CRISPLD2: variants seen among roughly 807,000 people sequenced by gnomAD.
CRISPLD2 encodes cysteine rich secretory protein LCCL domain containing 2.
CRISPLD2 carries 47 observed loss-of-function variants against 71.1 expected under a neutral mutation model. The observed-to-expected ratio is 0.66, with a 90% CI of 0.52 to 0.84. The LOEUF is 0.84. Ranked by LOEUF, CRISPLD2 falls within the 40% of genes least tolerant of loss-of-function variation. CRISPLD2 has a pLI of 0.00. For missense variants in CRISPLD2, 830 were observed against 651.1 expected (o/e 1.27, Z -2.99); for synonymous variants, 317 against 250.1 (o/e 1.27, Z -2.52).
chr16:84,880,274 A>G (rs1355354762), intron 12 of CRISPLD2, among the ~76,000 whole-genome samples: 1 of 151,376 alleles, frequency 6.6e-6, no homozygotes, highest in Non-Finnish European at 1.5e-5. Flanking sequence ...TCTTTTGTGG[A>G]TGTGTGTGTG....
chr16:84,835,903 C>T (rs1269527690), intron 1 of CRISPLD2, among the ~76,000 whole-genome samples: 2 of 152,232 alleles, frequency 1.3e-5, no homozygotes, highest in Admixed American at 1.3e-4. Flanking sequence ...CCTGTTTTCT[C>T]ACTTTGGCAT....
intron 1 of CRISPLD2, 139 bp from the exon 2 acceptor site, chr16:84,838,283 C>G: frequency 1.7e-6 from 1 of 602,294 alleles, no homozygotes; most frequent in African/African-American, 1.8e-5. Context: ...TGGGACCTTG[C>G]TTGTTTAGCT....
In CRISPLD2 at chr16:84,866,910, T is replaced by A; in HGVS notation, c.723T>A (p.Thr241=). 6.2e-7 allele frequency: 1 copy of A among 1,613,886 alleles called. No individual in the cohort carries two copies. Among genetic ancestry groups the A allele is most frequent in the Non-Finnish European group, 8.5e-7 (1 of 1,179,946 alleles). ...TCCAATGTTAAGAAGAAACCTACAC[T>A]CCAAAACCTGAAACGGACGAGATGA... ...NNLCYREETY[T]PKPETDEMNE... Residue 241 remains threonine, a synonymous_variant, in exon 7 of 15, where the codon ACT becomes ACA. Transcript: ENST00000262424.
chr16:84,875,548 A>ATTATATT (rs2071511038), intron 11 of CRISPLD2, among the ~76,000 whole-genome samples: 1 of 131,708 alleles, frequency 7.6e-6, no homozygotes, highest in Non-Finnish European at 1.6e-5. Flanking sequence ...TGCTTTTTTT[A>ATTATATT]TTTTATTTTT....
chr16:84,866,843 C>T (rs963820706), intron 6 of CRISPLD2, 54 bp from the exon 7 acceptor site: 32 of 1,550,654 alleles, frequency 2.1e-5, no homozygotes, highest in South Asian at 5.7e-5. Flanking sequence ...CCCCAAAGTG[C>T]GTTTTTGTTG....
intron 2 of CRISPLD2, among the ~76,000 whole-genome samples, chr16:84,840,177 A>T (rs1024442529): frequency 6.6e-6 from 1 of 152,182 alleles, no homozygotes; most frequent in Admixed American, 6.5e-5. Flanking sequence ...AGCTGTGGTC[A>T]CGTTCCTTTG....
rs192370147 is a variant in CRISPLD2 at position 84,885,004 on chromosome 16, G to A, written c.1306-4226G>A. 5.3e-4 allele frequency among the ~76,000 whole-genome samples: 81 copies of A among 152,356 alleles called. No individual in the cohort carries two copies. The East Asian group carries it at 0.014, about 27-fold the overall frequency. On this transcript the variant is annotated intron_variant, in intron 13 of 14. Transcript: ENST00000262424. ...CTGGTACTGCAGCAGTTGGCAGTGCGAGCAATGCTGAGAGAGACAGAAAGC... is the reference window on the plus strand; with the variant it reads ...CTGGTACTGCAGCAGTTGGCAGTGCAAGCAATGCTGAGAGAGACAGAAAGC...
intron 6 of CRISPLD2, among the ~76,000 whole-genome samples, chr16:84,855,158 T>C (rs556513656): frequency 4.6e-5 from 7 of 152,066 alleles, no homozygotes; most frequent in Non-Finnish European, 8.8e-5. Flanking sequence ...TCATATAAAA[T>C]AGGCCACGGG....
chr16:84,890,024 G>T (rs2071647629), intron 14 of CRISPLD2, among the ~76,000 whole-genome samples: 1 of 152,272 alleles, frequency 6.6e-6, no homozygotes, highest in African/African-American at 2.4e-5. Context: ...CCACAGGGCT[G>T]TTGGGAGGTG....
intron 14 of CRISPLD2, among the ~76,000 whole-genome samples, chr16:84,903,523 CG>C (rs1200359655): frequency 6.7e-6 from 1 of 148,768 alleles, no homozygotes; most frequent in African/African-American, 2.5e-5. Context: ...ACCTGGGAGG[CG>C]GCGGTTGCAA....
At chr16:84,829,861 G>C (rs1055124732) in intron 1 of CRISPLD2, among the ~76,000 whole-genome samples, 2 of 152,248 alleles carry the variant, frequency 1.3e-5, no homozygotes, top group African/African-American at 2.4e-5. Context: ...TGCAGGAGTA[G>C]AGGGCCCAGG....
chr16:84,903,956 C>T (rs1367571597), intron 14 of CRISPLD2, among the ~76,000 whole-genome samples: 6 of 152,210 alleles, frequency 3.9e-5, no homozygotes, highest in African/African-American at 9.7e-5. Flanking sequence ...TGCCATCCAG[C>T]GGCTTTCTTG....
rs1917016459 is a variant in CRISPLD2, at chr16:84,849,445, C to T, written c.420C>T (p.Tyr140=). The T allele has an allele frequency of 6.2e-7, 1 of 1,614,020 alleles. No homozygotes were observed. Among genetic ancestry groups the T allele is most frequent in the Non-Finnish European group, 8.5e-7 (1 of 1,179,888 alleles). ...SWYDEVKDYT[Y]PYPSECNPWC... ...ATGACGAGGTGAAGGACTACACCTA[C>T]CCCTACCCGAGCGAGTGCAACCCCT... The change falls in exon 4 of 15, where the codon TAC becomes TAT. Residue 140 remains tyrosine, a synonymous_variant. Transcript: ENST00000262424.
intron 13 of CRISPLD2, among the ~76,000 whole-genome samples, chr16:84,884,710 A>G (rs532706338): frequency 6.6e-6 from 1 of 152,336 alleles, no homozygotes; most frequent in South Asian, 2.1e-4. Flanking sequence ...CTGTGGAGTG[A>G]GAAAGATCCG....
Position 84,850,574 on chromosome 16 carries a change from T to A in CRISPLD2, c.499T>A (p.Trp167Arg). The change falls in exon 5 of 15, where the codon TGG (tryptophan) becomes AGG (arginine). Residue 167 changes from tryptophan (W) to arginine (R), a missense_variant. Physicochemically the swap from Trp to Arg is moderately radical, Grantham distance 101 (BLOSUM62 -3). Coordinates refer to ENST00000262424, the MANE Select transcript of CRISPLD2 (RefSeq NM_031476.4). ...ACAAATGTCATCTTTTCAGATAGTTTGGGCCACCACCAACAAGATCGGTTG... is the reference window on the plus strand; with the variant it reads ...ACAAATGTCATCTTTTCAGATAGTTAGGGCCACCACCAACAAGATCGGTTG... The part of the protein sequence containing the change: ...PMCTHYTQIV[W>R]ATTNKIGCAV... 1 of 1,614,036 alleles carries A rather than the reference T, an allele frequency of 6.2e-7. No individual in the cohort carries two copies. Among genetic ancestry groups the A allele is most frequent in the South Asian group, 1.1e-5 (1 of 91,078 alleles).
At chr16:84,866,174 G>A (rs565520115) in intron 6 of CRISPLD2, among the ~76,000 whole-genome samples, 1 of 152,264 alleles carries the variant, frequency 6.6e-6, no homozygotes, top group East Asian at 1.9e-4. Context: ...AAAACCCAGG[G>A]ACAGGGGACT....
intron 5 of CRISPLD2, 43 bp from the exon 6 acceptor site, chr16:84,854,686 C>T (rs747147962): frequency 2.0e-5 from 29 of 1,468,582 alleles, no homozygotes; most frequent in South Asian, 4.5e-5. Flanking sequence ...CGAGGCCTCA[C>T]GTCGTGGTTC....
In CRISPLD2 at chr16:84,894,813, G is replaced by A. The variant is rs186236554; in HGVS notation, c.1439+5450G>A. On this transcript the variant is annotated intron_variant, in intron 14 of 14. Coordinates refer to ENST00000262424, the MANE Select transcript of CRISPLD2 (RefSeq NM_031476.4). ...CTTAGGCACATCTCCATTTGGACGA[G>A]CCCATTTTGGGTCTCAGTGAGTACC... Among the ~76,000 whole-genome samples the A allele has an allele frequency of 5.9e-5, 9 of 152,236 alleles. No individual in the cohort carries two copies. The East Asian group carries it at 1.7e-3, about 29-fold the overall frequency.
chr16:84,891,546 C>T (rs1170584886), intron 14 of CRISPLD2, among the ~76,000 whole-genome samples: 1 of 152,204 alleles, frequency 6.6e-6, no homozygotes, highest in Non-Finnish European at 1.5e-5. Flanking sequence ...GGAAATGAAG[C>T]AGCTGATTAG....
Sources: allele counts gnomAD v4.1 joint callset (sites outside exome capture counted in the v4.1 genomes callset), GRCh38; gene constraint gnomAD v4.1.1; transcripts MANE v1.5; gene names NCBI Gene and HGNC (gene_info 2026-07-23, HGNC 2026-07-21).